YEATS2: variants seen among roughly 807,000 people sequenced by gnomAD.
YEATS2 encodes the protein YEATS domain containing 2.
YEATS2 carries 77 observed loss-of-function variants against 163.2 expected under a neutral mutation model. The ratio of observed to expected loss-of-function variants is 0.47; its 90% CI spans 0.39 to 0.57. The LOEUF (loss-of-function observed/expected upper bound fraction) is 0.57, where lower values mean the gene tolerates loss of function less well. YEATS2 is among the 20% of genes least tolerant of loss of function. The pLI is 0.00. For missense variants in YEATS2, 1,549 were observed against 1,729.8 expected (o/e 0.90, Z 1.85); for synonymous variants, 631 against 645.1 (o/e 0.98, Z 0.33).
At chr3:183,748,988 T>C (rs262965) in intron 9 of YEATS2, among the ~76,000 whole-genome samples, 7 of 151,666 alleles carry the variant, frequency 4.6e-5, no homozygotes, top group Non-Finnish European at 4.4e-5. Context: ...TGTCGCCCAG[T>C]CTGGAGTGCG....
At chr3:183,710,853 G>A (rs549429809) in intron 1 of YEATS2, among the ~76,000 whole-genome samples, 35 of 152,326 alleles carry the variant, frequency 2.3e-4, no homozygotes, top group African/African-American at 7.5e-4. Flanking sequence ...GATAAGTGAG[G>A]ATGATGCTGG....
intron 23 of YEATS2, 43 bp downstream of exon 23, chr3:183,799,032 CT>C: frequency 2.0e-6 from 3 of 1,473,192 alleles, no homozygotes; most frequent in African/African-American, 1.4e-5. Flanking sequence ...AGTTTTGTTA[CT>C]TTTTTATTGT....
At chr3:183,705,638 C>A (rs769953803) in intron 1 of YEATS2, among the ~76,000 whole-genome samples, 1 of 151,906 alleles carries the variant, frequency 6.6e-6, no homozygotes, top group Non-Finnish European at 1.5e-5. Flanking sequence ...AGCTAAAGAG[C>A]CTTTAAAGAT....
chr3:183,727,405 C>G (rs1236310875), intron 6 of YEATS2, among the ~76,000 whole-genome samples: 3 of 152,106 alleles, frequency 2.0e-5, no homozygotes, highest in Admixed American at 1.3e-4. Context: ...CCTGAACTTC[C>G]AGGCCTGGCT....
intron 1 of YEATS2, among the ~76,000 whole-genome samples, chr3:183,706,258 G>T (rs1169733381): frequency 6.6e-6 from 1 of 151,934 alleles, no homozygotes; most frequent in Non-Finnish European, 1.5e-5. Flanking sequence ...AAGGAAAATT[G>T]GGAGTATATT....
At chr3:183,780,794 T>A (rs1723493958) in intron 19 of YEATS2, among the ~76,000 whole-genome samples, 1 of 152,186 alleles carries the variant, frequency 6.6e-6, no homozygotes, top group Admixed American at 6.5e-5. Flanking sequence ...TGTATTGGAA[T>A]AACAGTACTA....
In YEATS2 at chr3:183,779,193, G is replaced by A. The variant is rs571607351; in HGVS notation, c.2736+1493G>A. ...GAAAGTTCTGGGATTACAGGCACAA[G>A]CCACCACGCCCAGCCCGTTTTCATT... On this transcript the variant is annotated intron_variant, in intron 19 of 30. Transcript: ENST00000305135. Among the ~76,000 whole-genome samples the A allele has an allele frequency of 2.0e-5, 3 of 152,104 alleles. No homozygotes were observed. In the South Asian group the frequency reaches 6.2e-4, roughly 32 times the overall value.
chr3:183,719,426 C>T (rs1161202334), intron 4 of YEATS2, among the ~76,000 whole-genome samples: 2 of 152,142 alleles, frequency 1.3e-5, no homozygotes, highest in African/African-American at 4.8e-5. Context: ...CGTGAGCCAC[C>T]GGGCCCAGCC....
In YEATS2 at chr3:183,799,481, C is replaced by G. The variant is rs545851615; in HGVS notation, c.3325+492C>G. ...GCACAGGAGAGACAGACTCAGCTTCCCCTTTGGGGAAGTGGCTAGCCAGTT... is the reference window on the plus strand; with the variant it reads ...GCACAGGAGAGACAGACTCAGCTTCGCCTTTGGGGAAGTGGCTAGCCAGTT... On this transcript the variant is annotated intron_variant, in intron 23 of 30. Transcript: ENST00000305135. Among the ~76,000 whole-genome samples the G allele has an allele frequency of 9.2e-5, 14 of 152,192 alleles. No homozygotes were observed. In the East Asian group the frequency reaches 2.7e-3, roughly 29 times the overall value.
At position 183,700,884 on chromosome 3, in the gene YEATS2, G is replaced by C. The variant is rs150430251; in HGVS notation, c.-20+2891G>C. 1.7e-4 allele frequency among the ~76,000 whole-genome samples: 26 copies of C among 151,950 alleles called. No homozygotes were observed. The East Asian group carries it at 4.2e-3, about 25-fold the overall frequency. On this transcript the variant is annotated intron_variant, in intron 1 of 30. Coordinates refer to ENST00000305135, the MANE Select transcript of YEATS2 (RefSeq NM_018023.5). Reference sequence around the variant, plus strand: ...TATCCACACAAAAAGTAGTTGCCAGGGGGATGAAGGGAGAGGAGAATTGAG... The same window carrying C: ...TATCCACACAAAAAGTAGTTGCCAGCGGGATGAAGGGAGAGGAGAATTGAG...
rs141377956 is a variant in YEATS2 at position 183,747,828 on chromosome 3, G to A, written c.969+112G>A. 7.8e-3 allele frequency: 7,019 copies of A among 905,384 alleles called. 356 individuals carry two copies. The African/African-American group carries it at 0.1, about 14-fold the overall frequency. 56.1% of individuals were successfully genotyped at this position (905,384 alleles called of 1,614,324 possible). ...GGGTCTTCGCTCTGTCACCCAGGCTGGAGTGCAGTGGCATGATCTCGGCTC... is the reference window on the plus strand; with the variant it reads ...GGGTCTTCGCTCTGTCACCCAGGCTAGAGTGCAGTGGCATGATCTCGGCTC... On this transcript the variant is annotated intron_variant, in intron 9 of 30. Transcript: ENST00000305135.
Position 183,804,095 on chromosome 3 carries a change from C to G in YEATS2, c.3691C>G (p.Arg1231Gly). 1 of 1,614,138 alleles carries G rather than the reference C, an allele frequency of 6.2e-7. No homozygotes were observed. The highest frequency in any genetic ancestry group is 1.7e-5 in the Admixed American group (1 of 60,010). Residue 1231 changes from arginine (R) to glycine (G), a missense_variant, in exon 27 of 31, where the codon CGC becomes GGC. Physicochemically the swap from Arg to Gly is moderately radical, Grantham distance 125. Coordinates refer to ENST00000305135, the MANE Select transcript of YEATS2 (RefSeq NM_018023.5). ...AACCAAGCACATCGCTCACTGGTGCCGCTGTCATGGCTACACCCCACCGGA... is the reference window on the plus strand; with the variant it reads ...AACCAAGCACATCGCTCACTGGTGCGGCTGTCATGGCTACACCCCACCGGA... ...LKTKHIAHWC[R>G]CHGYTPPDPE... is the part of the protein sequence containing the mutation.
chr3:183,715,592 T>A (rs924437973), intron 2 of YEATS2, among the ~76,000 whole-genome samples: 4 of 152,186 alleles, frequency 2.6e-5, no homozygotes, highest in African/African-American at 9.7e-5. Flanking sequence ...GGTACATGGA[T>A]TAAGGTTTTT....
At chr3:183,759,440 C>G (rs1231604693) in intron 13 of YEATS2, among the ~76,000 whole-genome samples, 1 of 152,114 alleles carries the variant, frequency 6.6e-6, no homozygotes, top group East Asian at 1.9e-4. Context: ...GTTAAAAATA[C>G]TTGCTTATAA....
At chr3:183,761,230 G>GGCACCCGCCACC (rs765686644) in intron 13 of YEATS2, among the ~76,000 whole-genome samples, 66 of 152,028 alleles carry the variant, frequency 4.3e-4, no homozygotes, top group Middle Eastern at 6.8e-3. Flanking sequence ...TGGGATTACA[G>GGCACCCGCCACC]GCACCCGCCA....
chr3:183,799,242 A>C (rs1305584183), intron 23 of YEATS2, among the ~76,000 whole-genome samples: 1 of 152,230 alleles, frequency 6.6e-6, no homozygotes, highest in Non-Finnish European at 1.5e-5. Flanking sequence ...ATCAGGTTGA[A>C]AACAATTGCT....
At chr3:183,740,825 G>A (rs977476769) in intron 8 of YEATS2, among the ~76,000 whole-genome samples, 5 of 152,212 alleles carry the variant, frequency 3.3e-5, no homozygotes, top group African/African-American at 1.2e-4. Context: ...GGTGAAACAG[G>A]CTTCTGTTGG....
intron 9 of YEATS2, among the ~76,000 whole-genome samples, chr3:183,748,393 A>G (rs1033208737): frequency 6.6e-6 from 1 of 151,864 alleles, no homozygotes; most frequent in Admixed American, 6.6e-5. Context: ...CTGTGACTAC[A>G]GGCACGCGCC....
chr3:183,789,888 C>CT (rs1329538063), intron 20 of YEATS2, among the ~76,000 whole-genome samples: 1 of 152,016 alleles, frequency 6.6e-6, no homozygotes, highest in Non-Finnish European at 1.5e-5. Flanking sequence ...AAACTTTATT[C>CT]TTTTTTATGT....
Sources: allele counts gnomAD v4.1 joint callset (sites outside exome capture counted in the v4.1 genomes callset), GRCh38; gene constraint gnomAD v4.1.1; transcripts MANE v1.5; gene names NCBI Gene and HGNC (gene_info 2026-07-23, HGNC 2026-07-21).